Variants in PLEKHG4B observed in about 807,000 individuals in gnomAD.
PLEKHG4B encodes pleckstrin homology domain-containing family G member 4B.
PLEKHG4B carries 111 observed loss-of-function variants against 121.3 expected under a neutral mutation model. The observed-to-expected ratio is 0.92, with a 90% CI of 0.78 to 1.07. The LOEUF is 1.07. Ranked by LOEUF, PLEKHG4B falls within the 50% of genes least tolerant of loss-of-function variation. PLEKHG4B has a pLI of 0.00. For synonymous variants in PLEKHG4B, 738 were observed against 725.0 expected, an observed-to-expected ratio of 1.02 and a Z score of -0.29; for missense variants, 1,831 against 1,757.8, an observed-to-expected ratio of 1.04 and a Z score of -0.74.
intron 2 of PLEKHG4B, among the ~76,000 whole-genome samples, chr5:128,911 G>C (rs1334298933): frequency 6.6e-6 from 1 of 152,188 alleles, no homozygotes; most frequent in Middle Eastern, 3.2e-3. Context: ...GTGACAGGGA[G>C]GGGTCGGACA....
intron 1 of PLEKHG4B, among the ~76,000 whole-genome samples, chr5:109,876 G>A (rs369127180): frequency 3.3e-5 from 5 of 152,286 alleles, no homozygotes; most frequent in South Asian, 2.1e-4. Context: ...TGCAGCACAC[G>A]TGCACACACT....
intron 1 of PLEKHG4B, among the ~76,000 whole-genome samples, chr5:102,013 T>A (rs28439732): frequency 2.2e-4 from 18 of 81,442 alleles, no homozygotes; most frequent in Non-Finnish European, 2.9e-4. Flanking sequence ...GTTGTGAGGT[T>A]AATCCATATA....
At chr5:173,788 C>T in intron 17 of PLEKHG4B, 130 bp from the exon 18 acceptor site, 1 of 1,104,820 alleles carries the variant, frequency 9.1e-7, no homozygotes, top group South Asian at 1.5e-5. Context: ...TCTCGCTCAC[C>T]CTGACCCATC....
intron 17 of PLEKHG4B, 130 bp from the exon 18 acceptor site, chr5:173,788 C>A: frequency 9.1e-7 from 1 of 1,104,818 alleles, no homozygotes; most frequent in Non-Finnish European, 1.3e-6. Context: ...TCTCGCTCAC[C>A]CTGACCCATC....
chr5:121,415 G>C (rs1734465655), intron 2 of PLEKHG4B, among the ~76,000 whole-genome samples: 1 of 152,142 alleles, frequency 6.6e-6, no homozygotes, highest in African/African-American at 2.4e-5. Flanking sequence ...AGAGAGAAAG[G>C]AGAATGAGGA....
chr5:166,761 G>T (rs1736366678), intron 13 of PLEKHG4B, among the ~76,000 whole-genome samples: 1 of 152,202 alleles, frequency 6.6e-6, no homozygotes, highest in Non-Finnish European at 1.5e-5. Context: ...CTGATCATAG[G>T]TTTAATCTGA....
intron 2 of PLEKHG4B, among the ~76,000 whole-genome samples, chr5:118,877 G>T (rs1174927447): frequency 2.0e-5 from 3 of 148,152 alleles, no homozygotes; most frequent in Non-Finnish European, 3.0e-5. Flanking sequence ...TTGAGACAGG[G>T]TCTCACTCTG....
rs1735913631 is a variant in PLEKHG4B at position 159,267 on chromosome 5, TGCACTGAGGGCAGGTGTGCCTGAGGGTC to T, written c.2487+2359_2487+2386del. On this transcript the variant is annotated intron_variant, in intron 11 of 19. Transcript: ENST00000637938. This position sits in a 1 kb window ranked among gnomAD's most constrained non-coding sequence, Gnocchi z 5.5. ...CAGGTGTGCCTGAGGGTCGCCCAGG[TGCACTGAGGGCAGGTGTGCCTGAGGGTC>T]GCCCAGGTGCACCGAGGGCAGGTGT... Among the ~76,000 whole-genome samples the T allele has an allele frequency of 6.6e-6, 1 of 151,064 alleles. No individual in the cohort carries two copies. Among genetic ancestry groups the T allele is most frequent in the Non-Finnish European group, 1.5e-5 (1 of 67,770 alleles).
At position 173,887 on chromosome 5, in the gene PLEKHG4B, T is replaced by C. The variant is rs770238642; in HGVS notation, c.4222-31T>C. The C allele has an allele frequency of 7.5e-6, 12 of 1,605,232 alleles. No homozygotes were observed. The Middle Eastern group carries it at 5.0e-4, about 66-fold the overall frequency. ...AGTTGTTCAGAGACCATGTTCCTGA[T>C]GGTGCTGCAATGGGTGTTTGCTGAC... On this transcript the variant is annotated intron_variant, in intron 17 of 19. Coordinates refer to ENST00000637938, the MANE Select transcript of PLEKHG4B (RefSeq NM_052909.5).
chr5:162,657 G>A, intron 12 of PLEKHG4B, 65 bp from the exon 13 acceptor site: 2 of 1,204,658 alleles, frequency 1.7e-6, no homozygotes, highest in South Asian at 5.6e-5. Context: ...GAACAGCAGG[G>A]CCTGAGCTGG....
intron 1 of PLEKHG4B, among the ~76,000 whole-genome samples, chr5:98,372 C>G (rs484137): frequency 7.4e-6 from 1 of 135,838 alleles, no homozygotes; most frequent in African/African-American, 2.7e-5. Context: ...GACCTCAATT[C>G]TATACCCTCA....
At chr5:165,585 C>T (rs1450322896) in intron 13 of PLEKHG4B, among the ~76,000 whole-genome samples, 2 of 31,074 alleles carry the variant, frequency 6.4e-5, no homozygotes, top group African/African-American at 1.2e-4. Context: ...AATCCTCTGA[C>T]GGGGCGGGGC....
chr5:99,087 C>T (rs1278137984), intron 1 of PLEKHG4B, among the ~76,000 whole-genome samples: 2 of 141,060 alleles, frequency 1.4e-5, no homozygotes, highest in Non-Finnish European at 3.0e-5. Context: ...ATCTGGGAGG[C>T]GGAGGTTGCA....
chr5:99,208 A>G, intron 1 of PLEKHG4B, among the ~76,000 whole-genome samples: 1 of 86,528 alleles, frequency 1.2e-5, no homozygotes, highest in East Asian at 3.4e-4. Context: ...ATATATATAT[A>G]TATATTTTGC....
intron 6 of PLEKHG4B, among the ~76,000 whole-genome samples, chr5:147,591 C>G (rs1478382227): frequency 1.3e-5 from 2 of 152,220 alleles, no homozygotes; most frequent in East Asian, 3.8e-4. Flanking sequence ...GTGCGTTGCT[C>G]TAAAGCTCAG....
In PLEKHG4B at chr5:173,078, C is replaced by T; in HGVS notation, c.4221+11C>T. On this transcript the variant is annotated intron_variant, in intron 17 of 19. Coordinates refer to ENST00000637938, the MANE Select transcript of PLEKHG4B (RefSeq NM_052909.5). The stretch of plus-strand genomic sequence containing the variant: ...AAGCAGTCCTTCAAGGTAGCACCCG[C>T]CCGGTCCGATTGGGTGCAGGCCGAG... 3 of 1,613,144 alleles carry T rather than the reference C, an allele frequency of 1.9e-6. No individual in the cohort carries two copies. Among genetic ancestry groups the T allele is most frequent in the Non-Finnish European group, 2.5e-6 (3 of 1,179,218 alleles).
chr5:148,948 A>T lies in PLEKHG4B; in HGVS notation c.1906-2565A>T, dbSNP rs1455541863. On this transcript the variant is annotated intron_variant, in intron 6 of 19. Coordinates refer to ENST00000637938, the MANE Select transcript of PLEKHG4B (RefSeq NM_052909.5). ...TACATAAATGATTTTTGAAAAGGGT[A>T]CCAAGACCATTCAATGGAGAAAGGA... Among the ~76,000 whole-genome samples the T allele has an allele frequency of 3.3e-5, 5 of 152,340 alleles. No individual in the cohort carries two copies. In the East Asian group the frequency reaches 7.7e-4, roughly 24 times the overall value.
Position 112,496 on chromosome 5 carries a change from A to G in PLEKHG4B, c.46-755A>G, listed in dbSNP as rs558725136. Among the ~76,000 whole-genome samples the G allele has an allele frequency of 5.9e-5, 9 of 152,278 alleles. No homozygotes were observed. In the South Asian group the frequency reaches 1.9e-3, roughly 32 times the overall value. On this transcript the variant is annotated intron_variant, in intron 1 of 19. Coordinates refer to ENST00000637938, the MANE Select transcript of PLEKHG4B (RefSeq NM_052909.5). ...TTTCTACAGACATGAGCCTTGTGGTATTTCCTCAGGGATTGTTACTCTAAA... is the reference window on the plus strand; with the variant it reads ...TTTCTACAGACATGAGCCTTGTGGTGTTTCCTCAGGGATTGTTACTCTAAA...
In PLEKHG4B at chr5:182,698, C is replaced by G. The variant is rs1404601427; in HGVS notation, c.*375C>G. ...AACGGGAGGTGAGCCCGGTGATGGC[C>G]TCAGACCTCCCTCCGCCTTGAGAGT... On this transcript the variant is annotated 3_prime_UTR_variant, in exon 20 of 20. Transcript: ENST00000637938. The G allele has an allele frequency of 4.0e-6, 1 of 252,358 alleles. No homozygotes were observed. Among genetic ancestry groups the G allele is most frequent in the Non-Finnish European group, 7.8e-6 (1 of 128,374 alleles). The allele number at this position is 252,358 out of a possible 1,614,324, so 15.6% of individuals were successfully genotyped here. A position where few individuals can be genotyped will look rare whatever the true frequency, so the allele number is the denominator to read the frequency against.
Sources: allele counts gnomAD v4.1 joint callset (sites outside exome capture counted in the v4.1 genomes callset), GRCh38; gene constraint gnomAD v4.1.1; non-coding constraint Gnocchi (gnomAD v3.1); transcripts MANE v1.5; gene names NCBI Gene and HGNC (gene_info 2026-07-23, HGNC 2026-07-21).